MSMB: variants seen among roughly 807,000 people sequenced by gnomAD.
MSMB encodes microseminoprotein beta, also known as beta-microseminoprotein.
In MSMB, 10 loss-of-function variants were observed where a neutral mutation model predicts 10.5. The observed-to-expected ratio is 0.95, with a 90% CI of 0.59 to 1.62. MSMB has a LOEUF of 1.62. Ranked by LOEUF, MSMB falls within the 40% of genes most tolerant of loss-of-function variation. MSMB has a pLI of 0.00. For missense variants in MSMB, 126 were observed against 137.4 expected (o/e 0.92, Z 0.42); for synonymous variants, 43 against 46.5 (o/e 0.93, Z 0.30).
chr10:46,035,564 C>T (rs556094229), intron 3 of MSMB, among the ~76,000 whole-genome samples: 2 of 152,154 alleles, frequency 1.3e-5, no homozygotes, highest in South Asian at 2.1e-4. Flanking sequence ...AAGACAAACA[C>T]AGTGTGATTG....
intron 1 of MSMB, among the ~76,000 whole-genome samples, chr10:46,044,072 A>C (rs1298623147): frequency 1.3e-5 from 2 of 152,012 alleles, no homozygotes; most frequent in African/African-American, 4.8e-5. Context: ...TCTGAGGTCC[A>C]CCCCTGAGTA....
In MSMB at chr10:46,040,011, C is replaced by T. The variant is rs1840705391; in HGVS notation, c.84G>A (p.Glu28=). The change falls in exon 2 of 4, where the codon GAG becomes GAA. Residue 28 remains glutamate (E), a synonymous_variant. Transcript: ENST00000582163. The part of the protein sequence containing the change: ...CNASCYFIPN[E]GVPGDSTRKC... ...TCCTGGTTGAATCTCCTGGAACTCCCTCATTAGGTATGAAATAGCATGATG... is the reference window on the plus strand; with the variant it reads ...TCCTGGTTGAATCTCCTGGAACTCCTTCATTAGGTATGAAATAGCATGATG... The T allele has an allele frequency of 1.2e-6, 2 of 1,613,820 alleles. No individual in the cohort carries two copies. Among genetic ancestry groups the T allele is most frequent in the Admixed American group, 3.3e-5 (2 of 60,000 alleles).
chr10:46,035,913 T>C (rs1272839562), intron 3 of MSMB, among the ~76,000 whole-genome samples: 1 of 152,218 alleles, frequency 6.6e-6, no homozygotes, highest in Non-Finnish European at 1.5e-5. Context: ...GGTGAATCTG[T>C]GCTGCCTGTG....
At chr10:46,046,090 A>G (rs1840889531) in intron 1 of MSMB, 145 bp downstream of exon 1, 3 of 837,044 alleles carry the variant, frequency 3.6e-6, no homozygotes, top group Non-Finnish European at 6.0e-6. Context: ...TACTCTGCAC[A>G]TTGAATTGCA....
At chr10:46,043,050 C>T (rs1840787737) in intron 1 of MSMB, among the ~76,000 whole-genome samples, 1 of 152,136 alleles carries the variant, frequency 6.6e-6, no homozygotes, top group Admixed American at 6.5e-5. Context: ...TAGCCTTCAG[C>T]TCGAAATCAT....
At chr10:46,038,076 A>T (rs1333794188) in intron 3 of MSMB, among the ~76,000 whole-genome samples, 1 of 152,184 alleles carries the variant, frequency 6.6e-6, no homozygotes, top group African/African-American at 2.4e-5. Flanking sequence ...AGTCAAAATC[A>T]TAGAGACAGA....
chr10:46,034,680 C>T (rs1350742190), intron 3 of MSMB, among the ~76,000 whole-genome samples: 1 of 151,616 alleles, frequency 6.6e-6, no homozygotes, highest in East Asian at 2.0e-4. Context: ...AAAAAATTAG[C>T]CGGGCGTGGT....
At chr10:46,041,109 G>A (rs1054689812) in intron 1 of MSMB, among the ~76,000 whole-genome samples, 6 of 152,272 alleles carry the variant, frequency 3.9e-5, no homozygotes, top group African/African-American at 7.2e-5. Context: ...TTTGGGAGGC[G>A]GAGGTGGGTG....
At chr10:46,040,963 A>G (rs367741395) in intron 1 of MSMB, among the ~76,000 whole-genome samples, 1 of 151,780 alleles carries the variant, frequency 6.6e-6, no homozygotes, top group Non-Finnish European at 1.5e-5. Context: ...CAAAAAAAAA[A>G]AAAGCCAAAC....
Position 46,033,401 on chromosome 10 carries a change from C to T in MSMB, c.*21G>A. The T allele has an allele frequency of 6.2e-7, 1 of 1,612,678 alleles. No individual in the cohort carries two copies. Among genetic ancestry groups the T allele is most frequent in the Non-Finnish European group, 8.5e-7 (1 of 1,178,962 alleles). On this transcript the variant is annotated 3_prime_UTR_variant, in exon 4 of 4. Coordinates refer to ENST00000582163, the MANE Select transcript of MSMB (RefSeq NM_002443.4). ...GGAGAATGAGGCCTGGCCTGGGAGCCCTGTGCCTACTAGAAGCACATTAGA... is the reference window on the plus strand; with the variant it reads ...GGAGAATGAGGCCTGGCCTGGGAGCTCTGTGCCTACTAGAAGCACATTAGA...
intron 3 of MSMB, among the ~76,000 whole-genome samples, chr10:46,037,394 C>G (rs1050575384): frequency 7.9e-5 from 12 of 152,126 alleles, no homozygotes; most frequent in Admixed American, 6.5e-4. Context: ...ACACTACAAG[C>G]CAAGGCTACA....
chr10:46,036,317 A>G (rs1439318170), intron 3 of MSMB, among the ~76,000 whole-genome samples: 2 of 152,194 alleles, frequency 1.3e-5, no homozygotes, highest in Admixed American at 6.5e-5. Context: ...GTATTTTTCC[A>G]TGGAGGAGAA....
At chr10:46,042,009 G>A (rs1333623412) in intron 1 of MSMB, among the ~76,000 whole-genome samples, 1 of 152,128 alleles carries the variant, frequency 6.6e-6, no homozygotes, top group Non-Finnish European at 1.5e-5. Context: ...AAGAAAAAAA[G>A]TTAATTTCCT....
chr10:46,040,902 C>A (rs1308241164), intron 1 of MSMB, among the ~76,000 whole-genome samples: 2 of 151,376 alleles, frequency 1.3e-5, no homozygotes, highest in Non-Finnish European at 2.9e-5. Flanking sequence ...TGCAGTGAGC[C>A]GAGATCTGGC....
At chr10:46,043,040 T>G (rs1480240500) in intron 1 of MSMB, among the ~76,000 whole-genome samples, 1 of 152,176 alleles carries the variant, frequency 6.6e-6, no homozygotes, top group Non-Finnish European at 1.5e-5. Context: ...TTCTTCTGAG[T>G]AGCCTTCAGC....
intron 1 of MSMB, among the ~76,000 whole-genome samples, chr10:46,043,965 G>T (rs1328056919): frequency 4.0e-5 from 6 of 151,832 alleles, no homozygotes; most frequent in African/African-American, 1.2e-4. Context: ...GTGAGCCACC[G>T]CGCCCAACCA....
intron 3 of MSMB, among the ~76,000 whole-genome samples, chr10:46,037,543 T>C (rs1840637761): frequency 6.6e-6 from 1 of 152,202 alleles, no homozygotes; most frequent in Non-Finnish European, 1.5e-5. Flanking sequence ...CTGGTGTCCA[T>C]AGCAACCCAG....
intron 1 of MSMB, among the ~76,000 whole-genome samples, chr10:46,041,788 T>A (rs1840759464): frequency 6.6e-6 from 1 of 150,700 alleles, no homozygotes; most frequent in Non-Finnish European, 1.5e-5. Context: ...AGTGAAACCC[T>A]GTCTTTAAAA....
intron 1 of MSMB, among the ~76,000 whole-genome samples, chr10:46,042,980 T>C (rs1840786145): frequency 6.6e-6 from 1 of 152,232 alleles, no homozygotes; most frequent in Non-Finnish European, 1.5e-5. Context: ...CACAACGCCT[T>C]GATACATTCA....
Sources: allele counts gnomAD v4.1 joint callset (sites outside exome capture counted in the v4.1 genomes callset), GRCh38; gene constraint gnomAD v4.1.1; transcripts MANE v1.5; gene names NCBI Gene and HGNC (gene_info 2026-07-23, HGNC 2026-07-21).